PDZK1IP1: variants seen among roughly 807,000 people sequenced by gnomAD.
PDZK1IP1 encodes PDZK1 interacting protein 1.
PDZK1IP1 carries 9 observed loss-of-function variants against 14.7 expected under a neutral mutation model. The ratio of observed to expected loss-of-function variants is 0.61; its 90% CI spans 0.37 to 1.07. The LOEUF (loss-of-function observed/expected upper bound fraction) is 1.07. Among genes scored for constraint, PDZK1IP1 ranks in the 50% least tolerant of loss-of-function variants. The pLI is 0.01. For synonymous variants in PDZK1IP1, 70 were observed against 61.2 expected (o/e 1.14, Z -0.67); for missense variants, 152 against 148.7 (o/e 1.02, Z -0.11).
chr1:47,184,317 C>A (rs1645302807), intron 3 of PDZK1IP1, among the ~76,000 whole-genome samples: 1 of 149,664 alleles, frequency 6.7e-6, no homozygotes. Context: ...CCACTGACAC[C>A]ATGCTCCACT....
intron 1 of PDZK1IP1, among the ~76,000 whole-genome samples, chr1:47,189,605 C>G (rs1645340538): frequency 6.6e-6 from 1 of 152,236 alleles, no homozygotes; most frequent in Non-Finnish European, 1.5e-5. Flanking sequence ...ATCCCTTGGG[C>G]AATGCCTGCT....
rs751692856 is a variant in PDZK1IP1, at chr1:47,185,079, G to C, written c.195C>G (p.Ile65Met). ...CATCTGCCTTGTTTCCGACGGTCAG[G>C]ATCATGTGTGCAGGCTCCCTGGGGA... ...CQEEPEPAHM[I>M]LTVGNKADGV... The change falls in exon 3 of 4, where the codon ATC (isoleucine) becomes ATG (methionine). Residue 65 changes from isoleucine to methionine, a missense_variant. Transcript: ENST00000294338. 4 of 1,613,218 alleles carry C rather than the reference G, an allele frequency of 2.5e-6. No individual in the cohort carries two copies. In the Admixed American group the frequency reaches 5.0e-5, roughly 20 times the overall value.
intron 2 of PDZK1IP1, chr1:47,185,379 T>C: frequency 5.0e-6 from 2 of 402,228 alleles, no homozygotes; most frequent in Non-Finnish European, 9.2e-6. Flanking sequence ...CAGCAGGCCC[T>C]GCAGGATGCA....
rs368607053 is a variant in PDZK1IP1, at chr1:47,184,978, G to A, written c.272+24C>T. ...TCCTTAGGCCCTGGGAGCACAGACC[G>A]GGCAGCCCTGCCCTGCACCTCACCT... On this transcript the variant is annotated intron_variant, in intron 3 of 3. Coordinates refer to ENST00000294338, the MANE Select transcript of PDZK1IP1 (RefSeq NM_005764.4). 1.2e-4 allele frequency: 188 copies of A among 1,579,122 alleles called. 1 individual carries two copies. Among genetic ancestry groups the A allele is most frequent in the African/African-American group, 9.4e-5 (7 of 74,330 alleles).
In PDZK1IP1 at chr1:47,187,387, C is replaced by T. The variant is rs77207461; in HGVS notation, c.108G>A (p.Ala36=). The change falls in exon 2 of 4, where the codon GCG becomes GCA. Residue 36 remains alanine, a synonymous_variant. Transcript: ENST00000294338. ...NLQPWMQGLI[A]VAVFLVLVAI... ...CAACGAGGACCAGGAACACGGCCAC[C>T]GCGATAAGGCCCTGCATCCAGGGCT... 376 of 1,612,886 alleles carry T rather than the reference C, an allele frequency of 2.3e-4. 2 individuals carry two copies. The East Asian group carries it at 7.4e-3, about 32-fold the overall frequency.
intron 3 of PDZK1IP1, 29 bp downstream of exon 3, chr1:47,184,973 A>C: frequency 6.4e-7 from 1 of 1,556,892 alleles, no homozygotes; most frequent in Non-Finnish European, 8.9e-7. Flanking sequence ...CTGGGAGCAC[A>C]GACCGGGCAG....
intron 2 of PDZK1IP1, among the ~76,000 whole-genome samples, chr1:47,186,841 G>A (rs1296604937): frequency 1.3e-5 from 2 of 152,124 alleles, no homozygotes; most frequent in African/African-American, 4.8e-5. Context: ...TGTCCTCTGC[G>A]CTCTCCCTCA....
At chr1:47,184,583 A>G (rs533229166) in intron 3 of PDZK1IP1, among the ~76,000 whole-genome samples, 1 of 17,868 alleles carries the variant, frequency 5.6e-5, no homozygotes, top group Admixed American at 8.3e-4. Flanking sequence ...CACTGAGTCC[A>G]TACCCCACTG....
chr1:47,187,220 T>C (rs1164289902), intron 2 of PDZK1IP1, 99 bp downstream of exon 2: 20 of 806,732 alleles, frequency 2.5e-5, no homozygotes, highest in Non-Finnish European at 3.1e-5. Context: ...GGGGGAGGAT[T>C]GGACACAGGG....
chr1:47,188,674 G>C (rs77635391), intron 1 of PDZK1IP1, among the ~76,000 whole-genome samples: 5,976 of 152,232 alleles, frequency 0.039, 395 homozygotes, highest in African/African-American at 0.14. Context: ...CCTCTTCTCC[G>C]AGCCTGGCAA....
chr1:47,185,159 A>T (rs1166877098), intron 2 of PDZK1IP1, 62 bp from the exon 3 acceptor site: 8 of 1,270,668 alleles, frequency 6.3e-6, no homozygotes, highest in Non-Finnish European at 9.2e-6. Flanking sequence ...AGCAGACCCT[A>T]TTCTGGGTCC....
At chr1:47,184,940 T>G in intron 3 of PDZK1IP1, 62 bp downstream of exon 3, 1 of 1,340,590 alleles carries the variant, frequency 7.5e-7, no homozygotes, top group Middle Eastern at 1.8e-4. Flanking sequence ...CAGCAGCACC[T>G]GTCTTGAGAT....
At chr1:47,185,940 C>T (rs140373703) in intron 2 of PDZK1IP1, among the ~76,000 whole-genome samples, 7 of 152,088 alleles carry the variant, frequency 4.6e-5, no homozygotes, top group Non-Finnish European at 1.0e-4. Context: ...ACTCTTCCAC[C>T]GCTGCCGTGC....
At chr1:47,188,259 G>A (rs1168076921) in intron 1 of PDZK1IP1, among the ~76,000 whole-genome samples, 7 of 152,194 alleles carry the variant, frequency 4.6e-5, no homozygotes, top group Admixed American at 4.6e-4. Context: ...TCTGGCCTTG[G>A]CCTCCCAAAG....
intron 1 of PDZK1IP1, among the ~76,000 whole-genome samples, chr1:47,188,143 T>C (rs1645331326): frequency 6.6e-6 from 1 of 152,182 alleles, no homozygotes; most frequent in Admixed American, 6.5e-5. Flanking sequence ...AGAGATTAGG[T>C]TGAGGCCCCA....
chr1:47,187,570 G>T, intron 1 of PDZK1IP1, 143 bp from the exon 2 acceptor site: 1 of 667,746 alleles, frequency 1.5e-6, no homozygotes, highest in Admixed American at 2.4e-5. Context: ...ATTGTGGGGA[G>T]GCAGGGGTGG....
chr1:47,183,786 C>A lies in PDZK1IP1; in HGVS notation c.*185G>T. The stretch of plus-strand genomic sequence containing the variant: ...CCCCAGGGCCACAGCCGAGCCCCAA[C>A]CTAGACACGGTCTGAGCTCCAACCT... On this transcript the variant is annotated 3_prime_UTR_variant, in exon 4 of 4. Coordinates refer to ENST00000294338, the MANE Select transcript of PDZK1IP1 (RefSeq NM_005764.4). 1.6e-6 allele frequency: 1 copy of A among 626,006 alleles called. No homozygotes were observed. Among genetic ancestry groups the A allele is most frequent in the Non-Finnish European group, 2.9e-6 (1 of 350,582 alleles). The allele number at this position is 626,006 out of a possible 1,614,324, so 38.8% of individuals were successfully genotyped here.
In PDZK1IP1 at chr1:47,183,693, T is replaced by A; in HGVS notation, c.*278A>T. 1 of 476,560 alleles carries A rather than the reference T, an allele frequency of 2.1e-6. No individual in the cohort carries two copies. Among genetic ancestry groups the A allele is most frequent in the Non-Finnish European group, 3.7e-6 (1 of 268,954 alleles). 29.5% of individuals were successfully genotyped at this position (476,560 alleles called of 1,614,324 possible). ...ATTTCCATAGTTATGGGGAAGGACG[T>A]GTGAGCAGGATGGGAGGTGCTCAGC... On this transcript the variant is annotated 3_prime_UTR_variant, in exon 4 of 4. Coordinates refer to ENST00000294338, the MANE Select transcript of PDZK1IP1 (RefSeq NM_005764.4).
chr1:47,188,221 G>A (rs966165453), intron 1 of PDZK1IP1, among the ~76,000 whole-genome samples: 1 of 152,162 alleles, frequency 6.6e-6, no homozygotes, highest in African/African-American at 2.4e-5. Context: ...GCCCAGGCTG[G>A]TCTCAAACTC....
Sources: gnomAD v4.1 joint callset for allele counts (sites outside exome capture counted in the v4.1 genomes callset) on GRCh38, gnomAD v4.1.1 for gene constraint, MANE v1.5 for transcripts, NCBI Gene and HGNC (gene_info 2026-07-23, HGNC 2026-07-21) for gene names.